The following DNAI1 variants were observed in gnomAD, a reference collection of about 807,000 sequenced individuals.
DNAI1 encodes dynein axonemal intermediate chain 1, also known as dynein, axonemal, intermediate polypeptide 1.
A neutral mutation model predicts 92.0 loss-of-function variants in DNAI1; 67 were observed. The observed-to-expected ratio is 0.73, with a 90% CI of 0.60 to 0.89. The LOEUF is 0.89. DNAI1 is among the 40% of genes least tolerant of loss of function. DNAI1 has a pLI of 0.00. For synonymous variants in DNAI1, 323 were observed against 319.6 expected (o/e 1.01, Z -0.11); for missense variants, 839 against 866.6 (o/e 0.97, Z 0.40).
rs1368857115 is a variant in DNAI1, at chr9:34,506,784, C to T, written c.1221C>T (p.Asn407=). Reference sequence around the variant, plus strand: ...TGGCAGTAGGCCACTATGACGGCAACGTGGCCATTTACAACCTCAAGAAGC... The same window carrying T: ...TGGCAGTAGGCCACTATGACGGCAATGTGGCCATTTACAACCTCAAGAAGC... ...YLVAVGHYDG[N]VAIYNLKKPH... The change falls in exon 13 of 20, where the codon AAC becomes AAT. Residue 407 remains asparagine, a synonymous_variant. Transcript: ENST00000242317. 1.3e-5 allele frequency: 21 copies of T among 1,614,040 alleles called. No individual in the cohort carries two copies. The highest frequency in any genetic ancestry group is 1.7e-5 in the Non-Finnish European group (20 of 1,180,042).
In DNAI1 at chr9:34,510,701, C is replaced by T. The variant is rs114958965; in HGVS notation, c.1312-1408C>T. On this transcript the variant is annotated intron_variant, in intron 13 of 19. Coordinates refer to ENST00000242317, the MANE Select transcript of DNAI1 (RefSeq NM_012144.4). Reference sequence around the variant, plus strand: ...TGGGGTGTGAAATACAATTTCCATGCGGTGCTGGCGTCTGCTCATTAAACA... The same window carrying T: ...TGGGGTGTGAAATACAATTTCCATGTGGTGCTGGCGTCTGCTCATTAAACA... Among the ~76,000 whole-genome samples the T allele has an allele frequency of 6.4e-3, 981 of 152,202 alleles. 6 individuals are homozygous for T. Among genetic ancestry groups the T allele is most frequent in the African/African-American group, 0.021 (887 of 41,496 alleles).
intron 9 of DNAI1, 108 bp downstream of exon 9, chr9:34,493,436 C>G (rs1346925731): frequency 1.4e-6 from 2 of 1,447,706 alleles, no homozygotes; most frequent in Non-Finnish European, 1.9e-6. Flanking sequence ...ATACTTAAAT[C>G]AGGGACTAAT....
At chr9:34,488,604 C>A in intron 4 of DNAI1, 1 of 153,776 alleles carries the variant, frequency 6.5e-6, no homozygotes, top group Non-Finnish European at 1.4e-5. Context: ...TTAGTGGTTG[C>A]AAGGGTGCTG....
intron 1 of DNAI1, among the ~76,000 whole-genome samples, chr9:34,464,793 A>G (rs575630425): frequency 2.0e-5 from 3 of 152,178 alleles, no homozygotes; most frequent in East Asian, 3.9e-4. Flanking sequence ...TGAGTGATCA[A>G]CTGTGGTTGG....
chr9:34,493,563 T>A (rs1824656827), intron 9 of DNAI1, among the ~76,000 whole-genome samples: 1 of 152,088 alleles, frequency 6.6e-6, no homozygotes, highest in Non-Finnish European at 1.5e-5. Context: ...TATTTCAGAA[T>A]TATTGAGCTA....
At chr9:34,488,225 G>A (rs1824511368) in intron 4 of DNAI1, 1 of 192,230 alleles carries the variant, frequency 5.2e-6, no homozygotes, top group African/African-American at 2.4e-5. Flanking sequence ...AGAACTTAGG[G>A]CTTAGAGTGG....
intron 1 of DNAI1, chr9:34,478,490 G>A (rs1824280471): frequency 6.6e-6 from 1 of 152,204 alleles, no homozygotes; most frequent in African/African-American, 2.4e-5. Context: ...GTTGTGACTG[G>A]TGACTTTTAT....
intron 1 of DNAI1, among the ~76,000 whole-genome samples, chr9:34,471,393 C>G (rs1380601661): frequency 2.0e-5 from 3 of 151,090 alleles, no homozygotes; most frequent in African/African-American, 7.3e-5. Flanking sequence ...CCACTGCACT[C>G]TGGCCTGGGC....
At chr9:34,509,738 A>G (rs1452458318) in intron 13 of DNAI1, among the ~76,000 whole-genome samples, 1 of 152,090 alleles carries the variant, frequency 6.6e-6, no homozygotes, top group Non-Finnish European at 1.5e-5. Flanking sequence ...AGCAAAATCA[A>G]TAGAAGGAAG....
At chr9:34,519,613 T>C (rs1182529743) in intron 19 of DNAI1, among the ~76,000 whole-genome samples, 1 of 151,564 alleles carries the variant, frequency 6.6e-6, no homozygotes, top group African/African-American at 2.4e-5. Context: ...GGAGCAGGTA[T>C]GGGGTCACAG....
rs1035317729 is a variant in DNAI1, at chr9:34,506,182, C to G, written c.1064-445C>G. ...AGTTTGGGACTCACTGTAGACAATT[C>G]GATGTTAGTTCAAGCTTAGCCCATA... On this transcript the variant is annotated intron_variant, in intron 12 of 19. Coordinates refer to ENST00000242317, the MANE Select transcript of DNAI1 (RefSeq NM_012144.4). 3.9e-5 allele frequency among the ~76,000 whole-genome samples: 6 copies of G among 152,162 alleles called. No individual in the cohort carries two copies. The South Asian group carries it at 1.2e-3, about 32-fold the overall frequency.
intron 13 of DNAI1, among the ~76,000 whole-genome samples, chr9:34,511,491 C>T (rs970839764): frequency 6.6e-5 from 10 of 152,010 alleles, no homozygotes; most frequent in Non-Finnish European, 1.0e-4. Flanking sequence ...GGGCAGGAGA[C>T]GGGGGCCTGC....
rs1211271935 is a variant in DNAI1 at position 34,485,530 on chromosome 9, C to T, written c.261+13C>T. ...GTACAGCTTCAAAGTAAGTCATCCCCTCCTGGGCAGGGGCATCTATACCCA... is the reference window on the plus strand; with the variant it reads ...GTACAGCTTCAAAGTAAGTCATCCCTTCCTGGGCAGGGGCATCTATACCCA... On this transcript the variant is annotated intron_variant, in intron 4 of 19. Coordinates refer to ENST00000242317, the MANE Select transcript of DNAI1 (RefSeq NM_012144.4). 3.1e-6 allele frequency: 5 copies of T among 1,613,548 alleles called. No individual in the cohort carries two copies. Among genetic ancestry groups the T allele is most frequent in the Non-Finnish European group, 4.2e-6 (5 of 1,179,632 alleles).
chr9:34,490,333 C>T, intron 6 of DNAI1, 36 bp from the exon 7 acceptor site: 1 of 1,614,160 alleles, frequency 6.2e-7, no homozygotes. Context: ...CACCTTCTCA[C>T]AGCTGATTCC....
intron 19 of DNAI1, among the ~76,000 whole-genome samples, chr9:34,520,402 G>A (rs564042433): frequency 4.6e-5 from 7 of 152,274 alleles, no homozygotes; most frequent in African/African-American, 1.4e-4. Context: ...ACTCCCACAA[G>A]CATCAAGACC....
intron 1 of DNAI1, among the ~76,000 whole-genome samples, chr9:34,464,131 A>G (rs902819226): frequency 2.8e-4 from 43 of 152,216 alleles, no homozygotes; most frequent in African/African-American, 9.9e-4. Flanking sequence ...CCAGCTTACA[A>G]TCGTCTCTCA....
intron 10 of DNAI1, 90 bp from the exon 11 acceptor site, chr9:34,500,632 T>C (rs117585581): frequency 3.9e-5 from 32 of 822,792 alleles, no homozygotes; most frequent in Non-Finnish European, 6.5e-5. Context: ...GCTCATTGTT[T>C]TGCCCAAGGA....
Position 34,514,637 on chromosome 9 carries a change from C to T in DNAI1, c.1719-3C>T, listed in dbSNP as rs1424934897. ...ATGGGCTTTCCACCCTCCACCTCTG[C>T]AGGACCCCGATGTTCATCTATGACC... On this transcript the variant is annotated splice_polypyrimidine_tract_variant and splice_region_variant and intron_variant, in intron 17 of 19. Coordinates refer to ENST00000242317, the MANE Select transcript of DNAI1 (RefSeq NM_012144.4). The T allele has an allele frequency of 5.6e-6, 9 of 1,614,110 alleles. No individual in the cohort carries two copies. In the Admixed American group the frequency reaches 1.5e-4, roughly 27 times the overall value.
At chr9:34,481,679 G>A (rs1824358363) in intron 1 of DNAI1, among the ~76,000 whole-genome samples, 1 of 152,208 alleles carries the variant, frequency 6.6e-6, no homozygotes, top group African/African-American at 2.4e-5. Flanking sequence ...GCTCAGGAGT[G>A]AAGCTGCAGA....
Sources: gnomAD v4.1 joint callset for allele counts (sites outside exome capture counted in the v4.1 genomes callset) on GRCh38, gnomAD v4.1.1 for gene constraint, MANE v1.5 for transcripts, NCBI Gene and HGNC (gene_info 2026-07-23, HGNC 2026-07-21) for gene names.